POTEE: variants seen among roughly 807,000 people sequenced by gnomAD.
The protein encoded by POTEE is ANKRD26-like family C member 1A.
POTEE carries 21 observed loss-of-function variants against 74.2 expected under a neutral mutation model. The observed-to-expected ratio is 0.28, with a 90% CI of 0.20 to 0.41. The LOEUF (loss-of-function observed/expected upper bound fraction) is 0.41. Among genes scored for constraint, POTEE ranks in the 10% least tolerant of loss-of-function variants. POTEE has a pLI of 1.00. For synonymous variants in POTEE, 211 were observed against 432.8 expected, an observed-to-expected ratio of 0.49 and a Z score of 6.36; for missense variants, 525 against 1,158.6, an observed-to-expected ratio of 0.45 and a Z score of 7.94.
At chr2:131,216,148 G>A (rs565887260) in intron 2 of POTEE, among the ~76,000 whole-genome samples, 1 of 151,736 alleles carries the variant, frequency 6.6e-6, no homozygotes, top group East Asian at 1.9e-4. Context: ...GGATGTGAAC[G>A]ATTTGTATAC....
intron 1 of POTEE, among the ~76,000 whole-genome samples, chr2:131,210,439 A>C (rs960008258): frequency 6.6e-6 from 1 of 150,440 alleles, no homozygotes; most frequent in Non-Finnish European, 1.5e-5. Flanking sequence ...TAGGGTTGCT[A>C]TGGGGGCTAT....
chr2:131,210,014 G>GT (rs1416854135), intron 1 of POTEE, among the ~76,000 whole-genome samples, 195 bp downstream of exon 1: 2 of 64,266 alleles, frequency 3.1e-5, no homozygotes, highest in Non-Finnish European at 6.2e-5. Context: ...GGCGGGGGTG[G>GT]TGGGGGGGAG....
At chr2:131,258,346 T>TCTTAC (rs1175165208) in intron 16 of POTEE, among the ~76,000 whole-genome samples, 1 of 98,626 alleles carries the variant, frequency 1.0e-5, no homozygotes, top group Admixed American at 1.0e-4. Context: ...TGATACATCA[T>TCTTAC]CTTAACCAGA....
At chr2:131,213,409 A>G (rs1345392725) in intron 2 of POTEE, among the ~76,000 whole-genome samples, 1 of 151,138 alleles carries the variant, frequency 6.6e-6, no homozygotes, top group Non-Finnish European at 1.5e-5. Flanking sequence ...GACAATCTAT[A>G]TTGTATCATT....
chr2:131,260,198 A>G (rs1323903100), intron 16 of POTEE, among the ~76,000 whole-genome samples: 1 of 149,708 alleles, frequency 6.7e-6, no homozygotes, highest in Non-Finnish European at 1.5e-5. Context: ...TACGAGTACC[A>G]CGCTGTTTCT....
In POTEE at chr2:131,230,767, T is replaced by C. The variant is rs539883040; in HGVS notation, c.1056-69T>C. ...TTGTTTGAAATACTCTTAATAATTCTACATTTGGTAAGTTTTTTTTATATC... is the reference window on the plus strand; with the variant it reads ...TTGTTTGAAATACTCTTAATAATTCCACATTTGGTAAGTTTTTTTTATATC... On this transcript the variant is annotated intron_variant, in intron 8 of 17. Coordinates refer to ENST00000683005, the MANE Select transcript of POTEE (RefSeq NM_001083538.3). 28 of 1,554,746 alleles carry C rather than the reference T, an allele frequency of 1.8e-5. No homozygotes were observed. The African/African-American group carries it at 2.8e-4, about 15-fold the overall frequency.
In POTEE at chr2:131,211,540, G is replaced by GTGTGTGTGTGTGTGTGTGTGTGT. The variant is rs70994742; in HGVS notation, c.-189+357_-189+358insTGTGTGTGTGTGTGTGTGTGTGT. The stretch of plus-strand genomic sequence containing the variant: ...GGTGACTGTGTGTGTGTGTGTGTGT[G>GTGTGTGTGTGTGTGTGTGTGTGT]GCTTTTTTTTTTTTTTTTTTTTTTT... On this transcript the variant is annotated intron_variant, in intron 2 of 17. Transcript: ENST00000683005. 1.2e-3 allele frequency among the ~76,000 whole-genome samples: 76 copies of GTGTGTGTGTGTGTGTGTGTGTGT among 65,424 alleles called. 3 individuals are homozygous for GTGTGTGTGTGTGTGTGTGTGTGT. The highest frequency in any genetic ancestry group is 1.5e-3 in the Non-Finnish European group (41 of 27,812). 42.9% of individuals were successfully genotyped at this position (65,424 alleles called of 152,430 possible).
intron 8 of POTEE, among the ~76,000 whole-genome samples, chr2:131,229,401 G>C (rs1049314567): frequency 6.6e-5 from 10 of 152,262 alleles, no homozygotes; most frequent in Non-Finnish European, 1.2e-4. Context: ...AGCTGTGGTT[G>C]GCCCCTTGAG....
rs1287324394 is a variant in POTEE at position 131,263,359 on chromosome 2, C to T, written c.1904C>T (p.Ser635Phe). The change falls in exon 18 of 18, where the codon TCT becomes TTT. Residue 635 changes from serine to phenylalanine, a missense_variant. Coordinates refer to ENST00000683005, the MANE Select transcript of POTEE (RefSeq NM_001083538.3). ...EVVEKMNSEL[S>F]LSCKKEKDVL... ...AAGTTCTCTTTGTTTACTTAGCTTT[C>T]TCTTAGTTGTAAGAAAGAAAAAGAC... 2 of 1,610,916 alleles carry T rather than the reference C, an allele frequency of 1.2e-6. No individual in the cohort carries two copies. Among genetic ancestry groups the T allele is most frequent in the African/African-American group, 1.3e-5 (1 of 74,748 alleles).
At chr2:131,216,838 G>A (rs570012715) in intron 2 of POTEE, among the ~76,000 whole-genome samples, 1 of 151,298 alleles carries the variant, frequency 6.6e-6, no homozygotes, top group East Asian at 1.9e-4. Context: ...TACATGAAAT[G>A]TCCAGAATAG....
chr2:131,212,223 T>G (rs1331871716), intron 2 of POTEE, among the ~76,000 whole-genome samples: 1 of 151,516 alleles, frequency 6.6e-6, no homozygotes, highest in Non-Finnish European at 1.5e-5. Flanking sequence ...TATGCTTTCA[T>G]GATTGTGTTA....
intron 9 of POTEE, 118 bp from the exon 10 acceptor site, chr2:131,236,612 GAA>G: frequency 9.1e-7 from 1 of 1,101,492 alleles, no homozygotes. Context: ...ACTATTTCGT[GAA>G]AAACTAAACA....
In POTEE at chr2:131,219,229, A is replaced by G. The variant is rs1246567084; in HGVS notation, c.521+306A>G. ...ATTTTTAATCTACAGATTTTAAAAC[A>G]ATGTTCTATACATTATAGAAAAGTG... On this transcript the variant is annotated intron_variant, in intron 4 of 17. Transcript: ENST00000683005. 4.6e-5 allele frequency among the ~76,000 whole-genome samples: 7 copies of G among 151,458 alleles called. No homozygotes were observed. The East Asian group carries it at 1.3e-3, about 29-fold the overall frequency.
At chr2:131,212,247 T>C (rs551174747) in intron 2 of POTEE, among the ~76,000 whole-genome samples, 1 of 152,072 alleles carries the variant, frequency 6.6e-6, no homozygotes, top group East Asian at 2.0e-4. Flanking sequence ...CACTTATGCC[T>C]AGTGTTCCAT....
chr2:131,216,695 G>A (rs1700449174), intron 2 of POTEE, among the ~76,000 whole-genome samples: 1 of 150,286 alleles, frequency 6.7e-6, no homozygotes, highest in South Asian at 2.1e-4. Context: ...AATGTGGTCT[G>A]TCCATAAAAT....
chr2:131,226,753 G>C, intron 6 of POTEE, 70 bp from the exon 7 acceptor site: 2 of 1,605,888 alleles, frequency 1.2e-6, no homozygotes, highest in Non-Finnish European at 1.7e-6. Flanking sequence ...CTTACATAAA[G>C]TTTCCACTTT....
chr2:131,211,931 T>A (rs1222619625), intron 2 of POTEE, among the ~76,000 whole-genome samples: 1 of 151,454 alleles, frequency 6.6e-6, no homozygotes, highest in Non-Finnish European at 1.5e-5. Flanking sequence ...ATAAAAGGTG[T>A]CATAATAGGC....
At chr2:131,233,752 G>T (rs1315587898) in intron 9 of POTEE, among the ~76,000 whole-genome samples, 2 of 150,914 alleles carry the variant, frequency 1.3e-5, no homozygotes, top group Non-Finnish European at 2.9e-5. Context: ...ATAAAGCAGA[G>T]GCAGAAGAGC....
In POTEE at chr2:131,209,825, T is replaced by C. The variant is rs1700316822; in HGVS notation, c.-345+6T>C. ...GTAGAAATGTCCTGGTGTAGGTGAGTTATCCGGGGATGTACTGCCCGCCTG... is the reference window on the plus strand; with the variant it reads ...GTAGAAATGTCCTGGTGTAGGTGAGCTATCCGGGGATGTACTGCCCGCCTG... On this transcript the variant is annotated splice_donor_region_variant and intron_variant, in intron 1 of 17. Coordinates refer to ENST00000683005, the MANE Select transcript of POTEE (RefSeq NM_001083538.3). 6.6e-6 allele frequency among the ~76,000 whole-genome samples: 1 copy of C among 151,762 alleles called. No homozygotes were observed. Among genetic ancestry groups the C allele is most frequent in the Non-Finnish European group, 1.5e-5 (1 of 67,938 alleles).
Sources: gnomAD v4.1 joint callset for allele counts (sites outside exome capture counted in the v4.1 genomes callset) on GRCh38, gnomAD v4.1.1 for gene constraint, MANE v1.5 for transcripts, NCBI Gene and HGNC (gene_info 2026-07-23, HGNC 2026-07-21) for gene names.